Variants in VTI1A observed in about 807,000 individuals in gnomAD.
VTI1A encodes the protein vesicle transport through interaction with t-SNAREs homolog 1A.
VTI1A carries 22 observed loss-of-function variants against 34.9 expected under a neutral mutation model. The observed-to-expected ratio is 0.63, with a 90% CI of 0.45 to 0.90. The LOEUF is 0.90. Ranked by LOEUF, VTI1A falls within the 40% of genes least tolerant of loss-of-function variation. The probability of loss-of-function intolerance (pLI) is 0.00; values close to 1 mark genes in which losing one functional copy is unlikely to be tolerated. For missense variants in VTI1A, 268 were observed against 275.6 expected (o/e 0.97, Z 0.20); for synonymous variants, 87 against 97.3 (o/e 0.89, Z 0.62).
rs142267765 is a variant in VTI1A at position 112,508,416 on chromosome 10, A to C, written c.265-18671A>C. On this transcript the variant is annotated intron_variant, in intron 3 of 7. Transcript: ENST00000393077. ...ATTTTGGAGTCTGTGAATAATATCT[A>C]TTTTATAGTTTTGCCAGAAATAGAG... Among the ~76,000 whole-genome samples the C allele has an allele frequency of 6.6e-3, 1,002 of 152,140 alleles. 9 individuals carry two copies. The highest frequency in any genetic ancestry group is 0.023 in the African/African-American group (963 of 41,520).
the VTI1A span, among the ~76,000 whole-genome samples, chr10:112,853,895 A>T: frequency 3.9e-5 from 6 of 152,142 alleles, no homozygotes; most frequent in Admixed American, 1.3e-4. Flanking sequence ...TTAGAAGCAT[A>T]CGTAGGAAGA....
chr10:112,744,898 C>A (rs1424021481), intron 7 of VTI1A, among the ~76,000 whole-genome samples: 1 of 152,156 alleles, frequency 6.6e-6, no homozygotes, highest in Non-Finnish European at 1.5e-5. Context: ...AGGGGTAGAA[C>A]AGGTTTTGTG....
intron 7 of VTI1A, among the ~76,000 whole-genome samples, chr10:112,675,391 C>CAGTT (rs1022451472): frequency 6.6e-6 from 1 of 152,160 alleles, no homozygotes; most frequent in African/African-American, 2.4e-5. Context: ...TATGAAGACC[C>CAGTT]AGTTTCCTCA....
chr10:112,823,904 C>T, the VTI1A span: 1 of 152,280 alleles, frequency 6.6e-6, no homozygotes, highest in African/African-American at 2.4e-5. Context: ...TAGGGGGCCA[C>T]TGTGGCCTAC....
chr10:112,708,676 G>A (rs1849287432), intron 7 of VTI1A, among the ~76,000 whole-genome samples: 1 of 152,174 alleles, frequency 6.6e-6, no homozygotes. Flanking sequence ...AAGAACTGAA[G>A]AACTTTTGGA....
chr10:112,797,148 T>TA (rs1852701688), intron 7 of VTI1A, among the ~76,000 whole-genome samples: 1 of 152,176 alleles, frequency 6.6e-6, no homozygotes, highest in African/African-American at 2.4e-5. Flanking sequence ...ATGCCAGTGA[T>TA]ATTTTCTAAA....
At chr10:112,463,160 G>C (rs1265700365) in intron 2 of VTI1A, among the ~76,000 whole-genome samples, 3 of 152,070 alleles carry the variant, frequency 2.0e-5, no homozygotes, top group African/African-American at 7.2e-5. Flanking sequence ...CCTGACCTCA[G>C]GTGATCTACC....
chr10:112,778,111 G>GA (rs138178912), intron 7 of VTI1A, among the ~76,000 whole-genome samples: 25 of 148,636 alleles, frequency 1.7e-4, no homozygotes, highest in East Asian at 3.9e-4. Context: ...TCAAAAAAAG[G>GA]AAAAAAAAAA....
chr10:112,817,271 C>T lies in VTI1A; in HGVS notation c.*1888C>T, dbSNP rs770039328. 1.5e-4 allele frequency: 34 copies of T among 232,062 alleles called. No homozygotes were observed. Among genetic ancestry groups the T allele is most frequent in the African/African-American group, 5.5e-4 (25 of 45,288 alleles). The allele number at this position is 232,062 out of a possible 1,614,324, so 14.4% of individuals were successfully genotyped here. A position where few individuals can be genotyped will look rare whatever the true frequency, so the allele number is the denominator to read the frequency against. On this transcript the variant is annotated 3_prime_UTR_variant, in exon 8 of 8. Coordinates refer to ENST00000393077, the MANE Select transcript of VTI1A (RefSeq NM_145206.4). ...AACCAGTTACCAGCTGCACTTCGCA[C>T]GGCCATCCCGTCCACAATGCAGCAG...
chr10:112,729,285 G>C (rs1850161565), intron 7 of VTI1A, among the ~76,000 whole-genome samples: 1 of 152,170 alleles, frequency 6.6e-6, no homozygotes, highest in African/African-American at 2.4e-5. Context: ...GATAGCAGCA[G>C]AGACCAAAAA....
intron 1 of VTI1A, among the ~76,000 whole-genome samples, chr10:112,458,776 C>T (rs1847633016): frequency 2.6e-5 from 4 of 151,986 alleles, no homozygotes; most frequent in Admixed American, 1.3e-4. Context: ...AAGCAATTCT[C>T]CTGCCTCAGC....
At chr10:112,726,011 G>A (rs1052870116) in intron 7 of VTI1A, among the ~76,000 whole-genome samples, 2 of 152,134 alleles carry the variant, frequency 1.3e-5, no homozygotes, top group Non-Finnish European at 2.9e-5. Flanking sequence ...CTTTCCTTAG[G>A]AAATAGTATA....
At chr10:112,510,651 C>T (rs1207913212) in intron 3 of VTI1A, among the ~76,000 whole-genome samples, 1 of 151,970 alleles carries the variant, frequency 6.6e-6, no homozygotes, top group Non-Finnish European at 1.5e-5. Flanking sequence ...CCACCACCAC[C>T]ACCACCACCA....
At chr10:112,707,939 G>A (rs184563017) in intron 7 of VTI1A, among the ~76,000 whole-genome samples, 150 of 152,252 alleles carry the variant, frequency 9.9e-4, no homozygotes, top group African/African-American at 3.1e-3. Flanking sequence ...AACAAAATTA[G>A]CAGCTGCAGT....
intron 4 of VTI1A, among the ~76,000 whole-genome samples, chr10:112,533,066 A>G (rs1850502310): frequency 6.6e-6 from 1 of 152,114 alleles, no homozygotes; most frequent in African/African-American, 2.4e-5. Flanking sequence ...ACTGGAACCA[A>G]AGCATGAGCT....
chr10:112,789,037 G>A (rs984088664), intron 7 of VTI1A, among the ~76,000 whole-genome samples: 1 of 152,054 alleles, frequency 6.6e-6, no homozygotes, highest in Non-Finnish European at 1.5e-5. Flanking sequence ...TATAGTGAGT[G>A]CTGTGCAATC....
chr10:112,591,578 G>A (rs1365582160), intron 5 of VTI1A, among the ~76,000 whole-genome samples: 1 of 152,100 alleles, frequency 6.6e-6, no homozygotes, highest in East Asian at 1.9e-4. Context: ...ATTGTGTACT[G>A]TTTAATTGTT....
the VTI1A span, among the ~76,000 whole-genome samples, chr10:112,830,851 T>TATATA: frequency 3.9e-4 from 15 of 38,004 alleles, no homozygotes; most frequent in South Asian, 1.3e-3. Context: ...ATATATATAT[T>TATATA]TTTTTTTTTT....
intron 7 of VTI1A, among the ~76,000 whole-genome samples, chr10:112,689,832 C>T (rs570325220): frequency 2.3e-4 from 35 of 152,092 alleles, no homozygotes; most frequent in African/African-American, 8.4e-4. Flanking sequence ...TATGCATATG[C>T]AGCTGTGTTG....
Sources: gnomAD v4.1 joint callset for allele counts (sites outside exome capture counted in the v4.1 genomes callset) on GRCh38, gnomAD v4.1.1 for gene constraint, MANE v1.5 for transcripts, NCBI Gene and HGNC (gene_info 2026-07-23, HGNC 2026-07-21) for gene names.